Variants in MEI1 observed in about 807,000 individuals in gnomAD.
MEI1 encodes meiotic double-stranded break formation protein 1, also known as meiosis inhibitor protein 1.
Under a neutral mutation model 146.2 loss-of-function variants are expected in MEI1, and 103 were observed. The ratio of observed to expected loss-of-function variants is 0.70; its 90% CI spans 0.60 to 0.83. The LOEUF (loss-of-function observed/expected upper bound fraction) is 0.83, where lower values mean the gene tolerates loss of function less well. MEI1 is among the 40% of genes least tolerant of loss of function. The pLI is 0.00. For missense variants in MEI1, 1,529 were observed against 1,533.0 expected (o/e 1.00, Z 0.04); for synonymous variants, 652 against 628.2 (o/e 1.04, Z -0.57).
intron 19 of MEI1, among the ~76,000 whole-genome samples, chr22:41,764,630 A>G (rs564959842): frequency 1.3e-5 from 2 of 152,362 alleles, no homozygotes; most frequent in South Asian, 2.1e-4. Context: ...TGAGAGGTTC[A>G]GTGATGAATC....
chr22:41,700,317 C>T (rs1164533869), intron 1 of MEI1, among the ~76,000 whole-genome samples: 10 of 152,192 alleles, frequency 6.6e-5, no homozygotes. Flanking sequence ...CATTGCCTAC[C>T]GCGTTTGCAA....
rs2071917763 is a variant in MEI1, at chr22:41,732,122, G to A, written c.1097-123G>A. On this transcript the variant is annotated intron_variant, in intron 9 of 30. Transcript: ENST00000401548. The stretch of plus-strand genomic sequence containing the variant: ...GGTCCCATTAGCTCAATCTTGTCAG[G>A]GTCCCTCCACGAGTGGCCTCCAACT... 10 of 690,484 alleles carry A rather than the reference G, an allele frequency of 1.4e-5. No individual in the cohort carries two copies. In the South Asian group the frequency reaches 1.8e-4, roughly 13 times the overall value. 42.8% of individuals were successfully genotyped at this position (690,484 alleles called of 1,614,324 possible).
Position 41,784,595 on chromosome 22 carries a change from C to T in MEI1, c.3170-13C>T, listed in dbSNP as rs2075884198. 1 of 1,610,114 alleles carries T rather than the reference C, an allele frequency of 6.2e-7. No individual in the cohort carries two copies. The highest frequency in any genetic ancestry group is 2.2e-5 in the East Asian group (1 of 44,878). On this transcript the variant is annotated splice_polypyrimidine_tract_variant and intron_variant, in intron 25 of 30. Transcript: ENST00000401548. Reference sequence around the variant, plus strand: ...GAGACAGGAATTGGGTGTAAGGAATCTCCTGCTTCCAGCTGCCATCTTATG... The same window carrying T: ...GAGACAGGAATTGGGTGTAAGGAATTTCCTGCTTCCAGCTGCCATCTTATG...
chr22:41,703,790 C>T (rs1461720202), intron 2 of MEI1, among the ~76,000 whole-genome samples: 1 of 152,020 alleles, frequency 6.6e-6, no homozygotes, highest in Non-Finnish European at 1.5e-5. Context: ...TAGAGACTAG[C>T]CTGGTCAACA....
At chr22:41,722,357 G>A (rs1489217924) in intron 6 of MEI1, among the ~76,000 whole-genome samples, 1 of 151,982 alleles carries the variant, frequency 6.6e-6, no homozygotes, top group Non-Finnish European at 1.5e-5. Context: ...AAGTACAGTA[G>A]CATGTTCATA....
chr22:41,751,526 T>C (rs2073748877), intron 15 of MEI1, among the ~76,000 whole-genome samples: 1 of 152,122 alleles, frequency 6.6e-6, no homozygotes, highest in South Asian at 2.1e-4. Context: ...ACGCCTGTAA[T>C]CCCAGCACTT....
intron 3 of MEI1, among the ~76,000 whole-genome samples, chr22:41,708,958 CAA>C (rs2069317266): frequency 1.3e-5 from 2 of 152,136 alleles, no homozygotes; most frequent in Admixed American, 1.3e-4. Context: ...CCACGTGTGT[CAA>C]AGTCAGGGAA....
intron 14 of MEI1, chr22:41,747,299 A>G (rs184278831): frequency 6.6e-6 from 1 of 152,644 alleles, no homozygotes; most frequent in African/African-American, 2.4e-5. Context: ...TGACTCTTGA[A>G]GAATTACCTG....
At chr22:41,715,260 C>T (rs949797885) in intron 4 of MEI1, among the ~76,000 whole-genome samples, 5 of 151,848 alleles carry the variant, frequency 3.3e-5, no homozygotes, top group Non-Finnish European at 7.4e-5. Flanking sequence ...AAGAATCTTG[C>T]CAAAAGTGGT....
intron 9 of MEI1, among the ~76,000 whole-genome samples, chr22:41,731,445 C>A (rs1236512032): frequency 6.6e-6 from 1 of 152,168 alleles, no homozygotes; most frequent in East Asian, 1.9e-4. Flanking sequence ...GCCTCTGCCT[C>A]CCAGGTTCAA....
At chr22:41,757,642 C>T (rs1165002672) in intron 17 of MEI1, among the ~76,000 whole-genome samples, 1 of 152,054 alleles carries the variant, frequency 6.6e-6, no homozygotes, top group Non-Finnish European at 1.5e-5. Context: ...CAGCCTGGCC[C>T]ACAGTTTCTT....
At chr22:41,792,457 A>G (rs567015448) in intron 26 of MEI1, among the ~76,000 whole-genome samples, 162 of 152,308 alleles carry the variant, frequency 1.1e-3, no homozygotes, top group African/African-American at 3.6e-3. Context: ...TGCAAAATAA[A>G]AGGCTGACAT....
At chr22:41,734,086 C>T (rs1398269788) in intron 11 of MEI1, among the ~76,000 whole-genome samples, 2 of 151,530 alleles carry the variant, frequency 1.3e-5, no homozygotes, top group African/African-American at 2.4e-5. Context: ...GGAGATCACA[C>T]CATTATACTC....
At chr22:41,769,586 C>T (rs2075052520) in intron 19 of MEI1, among the ~76,000 whole-genome samples, 2 of 151,750 alleles carry the variant, frequency 1.3e-5, no homozygotes. Flanking sequence ...GAGTCTCCTG[C>T]CTCAGCCTCC....
intron 17 of MEI1, among the ~76,000 whole-genome samples, chr22:41,757,972 G>A (rs762824080): frequency 2.6e-5 from 4 of 152,082 alleles, no homozygotes; most frequent in Non-Finnish European, 4.4e-5. Context: ...GCTGGGCGTG[G>A]TGGTGGGTGC....
At chr22:41,780,577 TTTTC>T (rs1218502543) in intron 22 of MEI1, among the ~76,000 whole-genome samples, 6 of 108,444 alleles carry the variant, frequency 5.5e-5, no homozygotes, top group African/African-American at 2.8e-4. Context: ...AATTTTTTTC[TTTTC>T]TTTTTTTTTT....
intron 7 of MEI1, among the ~76,000 whole-genome samples, chr22:41,728,187 C>T (rs1472570698): frequency 6.6e-6 from 1 of 152,152 alleles, no homozygotes; most frequent in Non-Finnish European, 1.5e-5. Context: ...CCACACAGTT[C>T]AAGCCTGTGT....
chr22:41,750,977 C>T (rs572777357), intron 15 of MEI1, among the ~76,000 whole-genome samples: 6 of 100,986 alleles, frequency 5.9e-5, no homozygotes, highest in South Asian at 6.1e-4. Context: ...CTCTTGGGGG[C>T]AGTGGTGGGG....
chr22:41,754,962 A>G (rs1287276897), intron 17 of MEI1, among the ~76,000 whole-genome samples: 3 of 152,160 alleles, frequency 2.0e-5, no homozygotes, highest in Admixed American at 6.6e-5. Flanking sequence ...GAAGGCCTCC[A>G]TGTGGAAGTG....
Sources: gnomAD v4.1 joint callset for allele counts (sites outside exome capture counted in the v4.1 genomes callset) on GRCh38, gnomAD v4.1.1 for gene constraint, MANE v1.5 for transcripts, NCBI Gene and HGNC (gene_info 2026-07-23, HGNC 2026-07-21) for gene names.